The following SPECC1L variants were observed in gnomAD, a reference collection of about 807,000 sequenced individuals.
SPECC1L encodes sperm antigen with calponin homology and coiled-coil domains 1 like.
A neutral mutation model predicts 116.8 loss-of-function variants in SPECC1L; 40 were observed. That is an observed-to-expected ratio of 0.34 (90% CI 0.27 to 0.45). SPECC1L has a LOEUF of 0.45. Ranked by LOEUF, SPECC1L falls within the 20% of genes least tolerant of loss-of-function variation. The pLI, the probability that SPECC1L is intolerant of heterozygous loss-of-function variation, is 1.00. For synonymous variants in SPECC1L, 504 were observed against 500.6 expected, an observed-to-expected ratio of 1.01 and a Z score of -0.09; for missense variants, 1,110 against 1,373.6, an observed-to-expected ratio of 0.81 and a Z score of 3.03.
Position 24,330,400 on chromosome 22 carries a change from A to G in SPECC1L, c.2365A>G (p.Thr789Ala). The change falls in exon 8 of 17, where the codon ACA becomes GCA. Residue 789 changes from threonine to alanine, a missense_variant. Thr to Ala is a moderately conservative substitution (Grantham distance 58). Transcript: ENST00000314328. ...HEAQEKNEKL[T>A]KELEEIKSRK... ...GGCTCAAGAAAAAAATGAGAAACTC[A>G]CAAAAGAATTGGAGGAAATAAAGTC... The G allele has an allele frequency of 6.2e-7, 1 of 1,614,216 alleles. No individual in the cohort carries two copies. Among genetic ancestry groups the G allele is most frequent in the South Asian group, 1.1e-5 (1 of 91,086 alleles).
At chr22:24,272,983 A>G (rs2048759681) in intron 1 of SPECC1L, among the ~76,000 whole-genome samples, 1 of 152,232 alleles carries the variant, frequency 6.6e-6, no homozygotes, top group Non-Finnish European at 1.5e-5. Flanking sequence ...GCTTTATCAC[A>G]GGTGCACGTT....
At chr22:24,373,610 A>G (rs1001979485) in intron 14 of SPECC1L, among the ~76,000 whole-genome samples, 1 of 152,248 alleles carries the variant, frequency 6.6e-6, no homozygotes, top group Admixed American at 6.5e-5. Context: ...CTTACACTTT[A>G]TGCAAAAATT....
At chr22:24,345,101 C>T (rs980587841) in intron 10 of SPECC1L, among the ~76,000 whole-genome samples, 14 of 151,996 alleles carry the variant, frequency 9.2e-5, no homozygotes, top group South Asian at 2.1e-4. Context: ...GGGTGGAGGA[C>T]AAATTTGGAG....
At chr22:24,349,746 T>C (rs2041382799) in intron 11 of SPECC1L, among the ~76,000 whole-genome samples, 1 of 152,212 alleles carries the variant, frequency 6.6e-6, no homozygotes, top group Non-Finnish European at 1.5e-5. Context: ...CCATTGACTC[T>C]ACTTTCAAAA....
chr22:24,340,001 T>C (rs2146536905), intron 10 of SPECC1L, among the ~76,000 whole-genome samples: 1 of 152,002 alleles, frequency 6.6e-6, no homozygotes, highest in East Asian at 1.9e-4. Context: ...CCCAGGCTGG[T>C]CTTGAGCTCC....
At chr22:24,358,458 T>C (rs2041576641) in intron 11 of SPECC1L, among the ~76,000 whole-genome samples, 1 of 152,202 alleles carries the variant, frequency 6.6e-6, no homozygotes, top group Non-Finnish European at 1.5e-5. Flanking sequence ...GTTTTTGTTT[T>C]AGCAAGCAGT....
rs754590815 is a variant in SPECC1L at position 24,302,296 on chromosome 22, C to G, written c.65C>G (p.Thr22Arg). 7 of 1,613,948 alleles carry G rather than the reference C, an allele frequency of 4.3e-6. No individual in the cohort carries two copies. The highest frequency in any genetic ancestry group is 5.9e-6 in the Non-Finnish European group (7 of 1,180,020). ...PKVSAISKTQTAEKIKPENSS... is the reference protein window; with the variant it reads ...PKVSAISKTQRAEKIKPENSS... ...GTGTCTGCAATAAGTAAAACGCAAA[C>G]AGCAGAAAAAATTAAACCTGAAAAC... The change falls in exon 3 of 17, where the codon ACA (threonine) becomes AGA (arginine). Residue 22 changes from threonine to arginine, a missense_variant. By Grantham distance (71) the Thr-to-Arg change is moderately conservative. This residue lies in a region of SPECC1L where 437 missense variants were observed against 482.6 expected (regional missense o/e 0.91). Coordinates refer to ENST00000314328, the MANE Select transcript of SPECC1L (RefSeq NM_015330.6).
At chr22:24,325,468 A>G (rs2040800081) in intron 6 of SPECC1L, among the ~76,000 whole-genome samples, 1 of 152,244 alleles carries the variant, frequency 6.6e-6, no homozygotes, top group South Asian at 2.1e-4. Flanking sequence ...AAATCCCTAC[A>G]GACACTTTTA....
intron 2 of SPECC1L, among the ~76,000 whole-genome samples, chr22:24,293,726 G>T (rs2146375346): frequency 7.3e-6 from 1 of 137,748 alleles, no homozygotes; most frequent in South Asian, 2.7e-4. Context: ...GATGCCAGTG[G>T]ACACAGGGTA....
At chr22:24,342,600 G>T (rs1601583026) in intron 10 of SPECC1L, among the ~76,000 whole-genome samples, 2 of 151,738 alleles carry the variant, frequency 1.3e-5, no homozygotes, top group East Asian at 3.9e-4. Context: ...TTGAACCCAG[G>T]AGGGGGAGGT....
chr22:24,383,854 T>C (rs2042111839), intron 14 of SPECC1L, among the ~76,000 whole-genome samples: 1 of 137,780 alleles, frequency 7.3e-6, no homozygotes, highest in Non-Finnish European at 1.5e-5. Context: ...GGTTTTGCCA[T>C]GTTGTCCAGG....
At chr22:24,296,947 C>CCTTTTT (rs1556168016) in intron 2 of SPECC1L, among the ~76,000 whole-genome samples, 148 of 123,138 alleles carry the variant, frequency 1.2e-3, no homozygotes, top group Non-Finnish European at 2.0e-3. Context: ...TTTAGAATAT[C>CCTTTTT]TTTTTTTTTT....
At position 24,330,428 on chromosome 22, in the gene SPECC1L, G is replaced by A. The variant is rs372942515; in HGVS notation, c.2393G>A (p.Arg798His). 5.0e-6 allele frequency: 8 copies of A among 1,614,096 alleles called. No individual in the cohort carries two copies. Among genetic ancestry groups the A allele is most frequent in the African/African-American group, 2.7e-5 (2 of 75,042 alleles). The change falls in exon 8 of 17, where the codon CGC (arginine) becomes CAC (histidine). Residue 798 changes from arginine (R) to histidine (H), a missense_variant. Physicochemically the swap from Arg to His is conservative, Grantham distance 29. Transcript: ENST00000314328. ...LTKELEEIKS[R>H]KQEEERGRVY... ...AAAGAATTGGAGGAAATAAAGTCAC[G>A]CAAGTAAGTTCTGAGAAACCTGTTG...
chr22:24,365,555 G>A lies in SPECC1L; in HGVS notation c.2907G>A (p.Met969Ile), dbSNP rs1284625919. The part of the protein sequence containing the change: ...EGASPASLMA[M>I]GTTSPQLSLS... ...CGTCGCCAGCCTCTCTGATGGCTAT[G>A]GGAACCACGTCTCCACAGCTTTCCC... is the stretch of plus-strand genomic sequence containing the variant. Residue 969 changes from methionine (M) to isoleucine (I), a missense_variant, in exon 13 of 17, where the codon ATG (methionine) becomes ATA (isoleucine). Physicochemically the swap from Met to Ile is conservative, Grantham distance 10. Transcript: ENST00000314328. 6.2e-7 allele frequency: 1 copy of A among 1,614,102 alleles called. No individual in the cohort carries two copies. Among genetic ancestry groups the A allele is most frequent in the Non-Finnish European group, 8.5e-7 (1 of 1,180,014 alleles).
At chr22:24,373,700 A>G (rs1436492559) in intron 14 of SPECC1L, among the ~76,000 whole-genome samples, 2 of 152,234 alleles carry the variant, frequency 1.3e-5, no homozygotes, top group African/African-American at 4.8e-5. Context: ...AATACCATTC[A>G]GGACATAGGC....
At position 24,412,634 on chromosome 22, in the gene SPECC1L, A is replaced by G. The variant is rs1287951301; in HGVS notation, c.3205-14A>G. On this transcript the variant is annotated splice_polypyrimidine_tract_variant and intron_variant, in intron 15 of 16. Coordinates refer to ENST00000314328, the MANE Select transcript of SPECC1L (RefSeq NM_015330.6). ...CCTTGTTCATGCACTGCAGTGACACAGTTTCTTTTACAGAGAAGGAACTTC... is the reference window on the plus strand; with the variant it reads ...CCTTGTTCATGCACTGCAGTGACACGGTTTCTTTTACAGAGAAGGAACTTC... 14 of 1,614,084 alleles carry G rather than the reference A, an allele frequency of 8.7e-6. No homozygotes were observed. Among genetic ancestry groups the G allele is most frequent in the African/African-American group, 2.7e-5 (2 of 75,054 alleles).
At chr22:24,347,271 C>T in intron 11 of SPECC1L, 95 bp downstream of exon 11, 1 of 889,056 alleles carries the variant, frequency 1.1e-6, no homozygotes, top group Non-Finnish European at 1.9e-6. Flanking sequence ...GCTCTTGATA[C>T]TATTTCAATC....
chr22:24,334,308 G>A (rs761462095), intron 8 of SPECC1L, 102 bp from the exon 9 acceptor site: 662 of 1,244,666 alleles, frequency 5.3e-4, no homozygotes, highest in Non-Finnish European at 7.0e-4. Context: ...CACCGTGCCC[G>A]GCCATTAAAC....
At chr22:24,292,187 T>G (rs1247059430) in intron 2 of SPECC1L, among the ~76,000 whole-genome samples, 1 of 152,214 alleles carries the variant, frequency 6.6e-6, no homozygotes, top group Non-Finnish European at 1.5e-5. Flanking sequence ...GGACAATTTG[T>G]GTTGTCCTCT....
Sources: allele counts gnomAD v4.1 joint callset (sites outside exome capture counted in the v4.1 genomes callset), GRCh38; gene constraint gnomAD v4.1.1; regional missense constraint gnomAD v4.1.1; transcripts MANE v1.5; gene names NCBI Gene and HGNC (gene_info 2026-07-23, HGNC 2026-07-21).